MIR2052HG: variants seen among roughly 807,000 people sequenced by gnomAD.
MIR2052HG encodes the protein MIR2052 host gene.
At chr8:74,685,983 C>T (rs1809176644) in intron 2 of MIR2052HG, among the ~76,000 whole-genome samples, 1 of 151,980 alleles carries the variant, frequency 6.6e-6, no homozygotes, top group Admixed American at 6.6e-5. Flanking sequence ...ATGTCAGACA[C>T]CTATTTCCTT....
chr8:74,757,545 G>A (rs1041931477), intron 5 of MIR2052HG: 15 of 152,186 alleles, frequency 9.9e-5, no homozygotes, highest in African/African-American at 3.4e-4. Flanking sequence ...CACAATAACC[G>A]AATGAGGCAG....
intron 4 of MIR2052HG, among the ~76,000 whole-genome samples, chr8:74,705,514 T>G (rs571407256): frequency 1.3e-5 from 2 of 152,184 alleles, no homozygotes; most frequent in African/African-American, 4.8e-5. Flanking sequence ...CCAGACTGTT[T>G]CCTTTTGAGG....
At chr8:74,630,367 A>C (rs1018865250) in intron 2 of MIR2052HG, among the ~76,000 whole-genome samples, 4 of 152,032 alleles carry the variant, frequency 2.6e-5, no homozygotes, top group African/African-American at 9.7e-5. Context: ...TCAGGCTTGG[A>C]AGGGTGTCCT....
At chr8:74,705,892 T>C (rs987222484) in intron 4 of MIR2052HG, 1 of 159,614 alleles carries the variant, frequency 6.3e-6, no homozygotes, top group Non-Finnish European at 1.5e-5. Flanking sequence ...TTCTGAAATG[T>C]TCGGGAAAAA....
chr8:74,719,665 A>G (rs931140432), intron 4 of MIR2052HG, among the ~76,000 whole-genome samples: 2 of 152,166 alleles, frequency 1.3e-5, no homozygotes, highest in East Asian at 3.9e-4. Flanking sequence ...GGAGGTCATC[A>G]TGGAAAAAAA....
chr8:74,709,648 C>A (rs1809447220), intron 4 of MIR2052HG, among the ~76,000 whole-genome samples: 1 of 151,938 alleles, frequency 6.6e-6, no homozygotes, highest in Admixed American at 6.6e-5. Context: ...ATTGCTTAAC[C>A]CAATTTATCT....
chr8:74,604,081 G>A, intron 1 of MIR2052HG: 1 of 925,456 alleles, frequency 1.1e-6, no homozygotes, highest in Non-Finnish European at 1.8e-6. Context: ...AATTCTCTCA[G>A]GACAATTCCC....
intron 1 of MIR2052HG, among the ~76,000 whole-genome samples, chr8:74,611,233 C>A (rs1808190224): frequency 6.6e-6 from 1 of 151,938 alleles, no homozygotes; most frequent in South Asian, 2.1e-4. Flanking sequence ...ATCAATTTTT[C>A]ATTAGGGAAA....
chr8:74,731,963 T>A (rs1362662230), intron 4 of MIR2052HG, among the ~76,000 whole-genome samples: 9 of 152,200 alleles, frequency 5.9e-5, no homozygotes, highest in Admixed American at 4.6e-4. Context: ...ATGTTTTCAG[T>A]GTAACTGATT....
intron 2 of MIR2052HG, among the ~76,000 whole-genome samples, chr8:74,693,265 C>T (rs1314374561): frequency 6.6e-6 from 1 of 152,142 alleles, no homozygotes; most frequent in African/African-American, 2.4e-5. Flanking sequence ...TGGGAAGAGC[C>T]CTGTGGGCAC....
intron 4 of MIR2052HG, among the ~76,000 whole-genome samples, chr8:74,749,685 C>T (rs1377063588): frequency 1.3e-5 from 2 of 151,822 alleles, no homozygotes; most frequent in African/African-American, 4.8e-5. Flanking sequence ...CCTGCCTCCA[C>T]TAAAAATACA....
intron 2 of MIR2052HG, among the ~76,000 whole-genome samples, chr8:74,696,484 G>A (rs577819621): frequency 7.2e-5 from 11 of 151,754 alleles, no homozygotes; most frequent in Non-Finnish European, 1.3e-4. Flanking sequence ...CAAAGCAGAA[G>A]TAAATGAAAT....
intron 5 of MIR2052HG, chr8:74,757,305 T>C (rs1318201327): frequency 6.6e-6 from 1 of 152,242 alleles, no homozygotes; most frequent in Non-Finnish European, 1.5e-5. Flanking sequence ...TTATGAGCTC[T>C]TGTACTGGCT....
chr8:74,648,315 C>T (rs977274344), intron 2 of MIR2052HG, among the ~76,000 whole-genome samples: 2 of 152,042 alleles, frequency 1.3e-5, no homozygotes, highest in African/African-American at 4.8e-5. Context: ...CCTGCAGTAC[C>T]CTCAGCTTAC....
At chr8:74,749,149 G>A (rs569192001) in intron 4 of MIR2052HG, among the ~76,000 whole-genome samples, 1 of 152,206 alleles carries the variant, frequency 6.6e-6, no homozygotes, top group Admixed American at 6.5e-5. Context: ...TATATTGAAA[G>A]GTGGTAACAG....
intron 2 of MIR2052HG, among the ~76,000 whole-genome samples, chr8:74,648,941 C>T (rs994964256): frequency 6.6e-6 from 1 of 151,984 alleles, no homozygotes; most frequent in African/African-American, 2.4e-5. Flanking sequence ...TTTCCTTGGC[C>T]TCTTAGGAAA....
At chr8:74,668,890 G>A (rs1808960833) in intron 2 of MIR2052HG, among the ~76,000 whole-genome samples, 2 of 152,036 alleles carry the variant, frequency 1.3e-5, no homozygotes, top group Non-Finnish European at 2.9e-5. Context: ...CTTCTCTGTT[G>A]GTCTTGAATT....
chr8:74,662,484 A>C (rs1808875961), intron 2 of MIR2052HG, among the ~76,000 whole-genome samples: 1 of 152,118 alleles, frequency 6.6e-6, no homozygotes, highest in African/African-American at 2.4e-5. Context: ...TACCTAGTGC[A>C]TGCGGGGCTT....
chr8:74,736,398 A>G (rs1809745041), intron 4 of MIR2052HG, among the ~76,000 whole-genome samples: 1 of 152,240 alleles, frequency 6.6e-6, no homozygotes, highest in African/African-American at 2.4e-5. Context: ...AAATTTATCT[A>G]CAACATTTCT....
Sources: gnomAD v4.1 joint callset for allele counts (sites outside exome capture counted in the v4.1 genomes callset) on GRCh38, gnomAD v4.1.1 for gene constraint, MANE v1.5 for transcripts, NCBI Gene and HGNC (gene_info 2026-07-23, HGNC 2026-07-21) for gene names.